DMD: variants seen among roughly 807,000 people sequenced by gnomAD.
DMD encodes dystrophin.
A neutral mutation model predicts 330.1 loss-of-function variants in DMD; 63 were observed. That is an observed-to-expected ratio of 0.19 (90% CI 0.16 to 0.24). DMD has a LOEUF of 0.24. DMD is among the 10% of genes least tolerant of loss of function. The probability of loss-of-function intolerance (pLI) is 1.00; values close to 1 mark genes in which losing one functional copy is unlikely to be tolerated. For missense variants in DMD, 3,344 were observed against 2,684.1 expected, an observed-to-expected ratio of 1.25 and a Z score of -5.43; for synonymous variants, 1,223 against 959.8, an observed-to-expected ratio of 1.27 and a Z score of -5.07.
chrX:32,560,834 T>A (rs185854823), intron 16 of DMD, among the ~76,000 whole-genome samples: 25 of 112,416 alleles, frequency 2.2e-4, no homozygotes, highest in Non-Finnish European at 4.3e-4. Context: ...TTATCCAGTC[T>A]ATCATTGATG....
rs761835866 is a variant in DMD, at chrX:32,050,974, C to CTTTTTTTTTTTTTTTTTTTTTTTTTTTTT, written c.6439-82461_6439-82460insAAAAAAAAAAAAAAAAAAAAAAAAAAAAA. ...TTACATTGCCTCAGGCTAACTTCCTCTTTTTTTTTTTTTCCCCCTAATAGA... is the reference window on the plus strand; with the variant it reads ...TTACATTGCCTCAGGCTAACTTCCTCTTTTTTTTTTTTTTTTTTTTTTTTTTTTTTTTTTTTTTTTTTCCCCCTAATAGA... On this transcript the variant is annotated intron_variant, in intron 44 of 78. Coordinates refer to ENST00000357033, the MANE Select transcript of DMD (RefSeq NM_004006.3). 1.5e-3 allele frequency among the ~76,000 whole-genome samples: 120 copies of CTTTTTTTTTTTTTTTTTTTTTTTTTTTTT among 78,088 alleles called. 6 individuals are homozygous for CTTTTTTTTTTTTTTTTTTTTTTTTTTTTT. The highest frequency in any genetic ancestry group is 2.6e-3 in the East Asian group (6 of 2,314). 67.8% of individuals were successfully genotyped at this position (78,088 alleles called of 115,157 possible).
intron 30 of DMD, among the ~76,000 whole-genome samples, chrX:32,394,916 C>CAAAACAAAACAAAAAAAACAAAAAAAA (rs2098030291): frequency 2.6e-5 from 1 of 39,032 alleles, no homozygotes. Flanking sequence ...AACAAAAAAA[C>CAAAACAAAACAAAAAAAACAAAAAAAA]AAAAAAAAAA....
At chrX:31,695,634 C>A (rs1306581352) in intron 52 of DMD, among the ~76,000 whole-genome samples, 1 of 110,107 alleles carries the variant, frequency 9.1e-6, no homozygotes, top group African/African-American at 3.3e-5. Context: ...TAAGGATGAG[C>A]CTGGAGGACA....
rs2093988241 is a variant in DMD, at chrX:31,877,667, T to TG, written c.6913-2295_6913-2294insC. Among the ~76,000 whole-genome samples the TG allele has an allele frequency of 1.8e-4, 18 of 102,359 alleles. No individual in the cohort carries two copies. In the South Asian group the frequency reaches 1.9e-3, roughly 11 times the overall value. The allele number at this position is 102,359 out of a possible 115,157, so 88.9% of individuals were successfully genotyped here. A position where few individuals can be genotyped will look rare whatever the true frequency, so the allele number is the denominator to read the frequency against. On this transcript the variant is annotated intron_variant, in intron 47 of 78. Coordinates refer to ENST00000357033, the MANE Select transcript of DMD (RefSeq NM_004006.3). ...TAACTACACCTGTGGTGCTGAACTC[T>TG]TGTGTGTGTGTGTGTGTGTGTGTGT... is the stretch of plus-strand genomic sequence containing the variant.
intron 9 of DMD, among the ~76,000 whole-genome samples, chrX:32,689,463 A>T (rs2144384): frequency 0.089 from 9,848 of 111,141 alleles, 560 homozygotes; most frequent in East Asian, 0.37. Flanking sequence ...AGGTGACTTC[A>T]TAAGTGATTT....
At chrX:33,012,931 A>T (rs2093728164) in intron 2 of DMD, among the ~76,000 whole-genome samples, 1 of 111,088 alleles carries the variant, frequency 9.0e-6, no homozygotes, top group Non-Finnish European at 1.9e-5. Flanking sequence ...AAAACTTCCT[A>T]AACAATGGTT....
At chrX:31,452,520 T>C (rs2065838480) in intron 59 of DMD, among the ~76,000 whole-genome samples, 1 of 110,184 alleles carries the variant, frequency 9.1e-6, no homozygotes, top group Non-Finnish European at 1.9e-5. Flanking sequence ...GAGGTGGAGG[T>C]TGCAGTGAGC....
intron 1 of DMD, among the ~76,000 whole-genome samples, chrX:33,295,855 T>C (rs775863140): frequency 4.1e-4 from 46 of 111,490 alleles, no homozygotes; most frequent in African/African-American, 1.3e-3. Flanking sequence ...GAGTGACAAA[T>C]AGTGGCTATC....
rs142695381 is a variant in DMD at position 31,794,482 on chromosome X, C to T, written c.7310-20290G>A. Among the ~76,000 whole-genome samples the T allele has an allele frequency of 2.7e-5, 3 of 111,453 alleles. No homozygotes were observed. In the East Asian group the frequency reaches 8.4e-4, roughly 31 times the overall value. On this transcript the variant is annotated intron_variant, in intron 50 of 78. Transcript: ENST00000357033. Reference sequence around the variant, plus strand: ...TCTAAATCCTTCAGTTATGCTTCACCGATTAAATTATTAAGAACCTCTGAT... The same window carrying T: ...TCTAAATCCTTCAGTTATGCTTCACTGATTAAATTATTAAGAACCTCTGAT...
chrX:31,132,253 T>C (rs2034609763), intron 77 of DMD, among the ~76,000 whole-genome samples: 1 of 112,386 alleles, frequency 8.9e-6, no homozygotes, highest in African/African-American at 3.2e-5. Flanking sequence ...GACTGCTAAA[T>C]ACCATATCAG....
chrX:31,839,577 C>T (rs941169840), intron 48 of DMD, among the ~76,000 whole-genome samples: 6 of 111,597 alleles, frequency 5.4e-5, no homozygotes, highest in Non-Finnish European at 1.1e-4. Context: ...TACATCTTCA[C>T]GTTATTGATT....
intron 62 of DMD, among the ~76,000 whole-genome samples, chrX:31,316,300 G>A (rs781649967): frequency 6.2e-5 from 7 of 112,288 alleles, no homozygotes; most frequent in Non-Finnish European, 1.3e-4. Context: ...TTTTGAAGGT[G>A]AAATGAGTCA....
At chrX:32,066,759 T>C (rs1261645565) in intron 44 of DMD, among the ~76,000 whole-genome samples, 4 of 111,597 alleles carry the variant, frequency 3.6e-5, no homozygotes, top group African/African-American at 1.3e-4. Flanking sequence ...CATCATATGG[T>C]GACTGGAATT....
intron 11 of DMD, among the ~76,000 whole-genome samples, chrX:32,619,324 G>T (rs1169146691): frequency 9.0e-6 from 1 of 110,987 alleles, no homozygotes; most frequent in African/African-American, 3.3e-5. Flanking sequence ...GGGGAAGGGG[G>T]AGGTATGGAG....
chrX:32,408,165 A>G (rs1279466710), intron 30 of DMD, among the ~76,000 whole-genome samples: 2 of 111,982 alleles, frequency 1.8e-5, no homozygotes, highest in African/African-American at 3.2e-5. Context: ...CTTTTGAAAT[A>G]AAATACTCCT....
chrX:32,655,629 G>T (rs146809585), intron 9 of DMD, among the ~76,000 whole-genome samples: 2 of 111,936 alleles, frequency 1.8e-5, no homozygotes, highest in Non-Finnish European at 3.8e-5. Flanking sequence ...ATTAGGGGTG[G>T]AGAGTTCTGT....
intron 27 of DMD, among the ~76,000 whole-genome samples, chrX:32,446,618 A>G (rs984097309): frequency 2.7e-5 from 3 of 110,419 alleles, no homozygotes; most frequent in Non-Finnish European, 5.7e-5. Context: ...TAGCATCGGT[A>G]AATCTAAATA....
chrX:32,282,529 G>A lies in DMD; in HGVS notation c.6290+5000C>T, dbSNP rs1001461244. ...CTGTTAGTGAACAATCAGAATGTCC[G>A]TGAAAATAAGGCTTTTAATACTTTG... On this transcript the variant is annotated intron_variant, in intron 43 of 78. Transcript: ENST00000357033. Among the ~76,000 whole-genome samples, 5 of 112,002 alleles carry A rather than the reference G, an allele frequency of 4.5e-5. No individual in the cohort carries two copies. The East Asian group carries it at 8.4e-4, about 19-fold the overall frequency.
At chrX:31,589,067 C>T (rs921904130) in intron 55 of DMD, among the ~76,000 whole-genome samples, 2 of 104,295 alleles carry the variant, frequency 1.9e-5, no homozygotes, top group African/African-American at 7.1e-5. Flanking sequence ...TAACACAGAA[C>T]CTTTAGTGGT....
Sources: gnomAD v4.1 joint callset for allele counts (sites outside exome capture counted in the v4.1 genomes callset) on GRCh38, gnomAD v4.1.1 for gene constraint, MANE v1.5 for transcripts, NCBI Gene and HGNC (gene_info 2026-07-23, HGNC 2026-07-21) for gene names.